Variants in TTK observed in about 807,000 individuals in gnomAD.
TTK encodes the protein TTK protein kinase.
A neutral mutation model predicts 117.3 loss-of-function variants in TTK; 59 were observed. The ratio of observed to expected loss-of-function variants is 0.50; its 90% CI spans 0.41 to 0.62. The LOEUF is 0.62. Among genes scored for constraint, TTK ranks in the 20% least tolerant of loss-of-function variants. The pLI is 0.00. For synonymous variants in TTK, 302 were observed against 325.0 expected (o/e 0.93, Z 0.76); for missense variants, 921 against 989.4 (o/e 0.93, Z 0.93).
chr6:80,029,548 A>G (rs1767700200), intron 13 of TTK, among the ~76,000 whole-genome samples: 1 of 152,232 alleles, frequency 6.6e-6, no homozygotes, highest in South Asian at 2.1e-4. Context: ...AAGACGAGTC[A>G]CAGATGACAA....
intron 4 of TTK, 150 bp from the exon 5 acceptor site, chr6:80,010,664 T>A: frequency 1.3e-6 from 1 of 750,074 alleles, no homozygotes; most frequent in Admixed American, 3.1e-5. Flanking sequence ...CTTACTTGCC[T>A]ATGAAATAAA....
intron 8 of TTK, among the ~76,000 whole-genome samples, chr6:80,012,698 A>G (rs1767193169): frequency 6.6e-6 from 1 of 152,062 alleles, no homozygotes; most frequent in Non-Finnish European, 1.5e-5. Flanking sequence ...TTTCTATTAT[A>G]TTTAGACTTG....
intron 11 of TTK, among the ~76,000 whole-genome samples, chr6:80,024,659 T>G (rs1002559030): frequency 6.6e-6 from 1 of 152,138 alleles, no homozygotes; most frequent in African/African-American, 2.4e-5. Flanking sequence ...GACGAAAATA[T>G]TCTAAAATTG....
At chr6:80,006,099 C>T in intron 2 of TTK, 117 bp downstream of exon 2, 1 of 1,360,446 alleles carries the variant, frequency 7.4e-7, no homozygotes, top group Non-Finnish European at 1.0e-6. Context: ...CTTTCTCCTC[C>T]ATTAGAATGC....
chr6:80,025,377 T>C (rs1392737402), intron 11 of TTK, among the ~76,000 whole-genome samples: 3 of 152,180 alleles, frequency 2.0e-5, no homozygotes, highest in Non-Finnish European at 4.4e-5. Context: ...ATTTAGTCAT[T>C]GTAATTCTCA....
In TTK at chr6:80,031,447, T is replaced by A; in HGVS notation, c.1522-20T>A. 1 of 1,421,248 alleles carries A rather than the reference T, an allele frequency of 7.0e-7. No individual in the cohort carries two copies. The highest frequency in any genetic ancestry group is 9.3e-7 in the Non-Finnish European group (1 of 1,073,586). 88.0% of individuals were successfully genotyped at this position (1,421,248 alleles called of 1,614,324 possible). On this transcript the variant is annotated intron_variant, in intron 13 of 21. Transcript: ENST00000369798. ...TTAGGTATATTGATTAACTTTTATT[T>A]ATATATTTTACTTATTTAGGTTTTA...
chr6:80,031,430 A>G, intron 13 of TTK, 37 bp from the exon 14 acceptor site: 1 of 1,302,034 alleles, frequency 7.7e-7, no homozygotes, highest in South Asian at 1.8e-5. Flanking sequence ...TCTTAGGTAT[A>G]TTGATTAACT....
intron 10 of TTK, among the ~76,000 whole-genome samples, chr6:80,020,204 T>C (rs2127674543): frequency 6.6e-6 from 1 of 152,322 alleles, no homozygotes; most frequent in East Asian, 1.9e-4. Context: ...TGGAACCTGT[T>C]CACATGGCTA....
chr6:80,042,447 C>T lies in TTK; in HGVS notation c.*245C>T. The T allele has an allele frequency of 3.8e-6, 1 of 265,652 alleles. No homozygotes were observed. Among genetic ancestry groups the T allele is most frequent in the South Asian group, 1.7e-4 (1 of 5,966 alleles). 16.5% of individuals were successfully genotyped at this position (265,652 alleles called of 1,614,324 possible). On this transcript the variant is annotated 3_prime_UTR_variant, in exon 22 of 22. Coordinates refer to ENST00000369798, the MANE Select transcript of TTK (RefSeq NM_003318.5). ...GTAATCTACTTGACATCATTTTACT[C>T]TTGGAATAGTGGGTGGATAGCAAGT...
intron 13 of TTK, among the ~76,000 whole-genome samples, chr6:80,029,800 G>C (rs1767706360): frequency 6.6e-6 from 1 of 152,220 alleles, no homozygotes; most frequent in South Asian, 2.1e-4. Flanking sequence ...GGGGGATGCG[G>C]GAAGTCCTGT....
In TTK at chr6:80,036,490, A is replaced by T. The variant is rs1767909311; in HGVS notation, c.1940A>T (p.Asp647Val). The change falls in exon 17 of 22, where the codon GAT (aspartate) becomes GTT (valine). Residue 647 changes from aspartate (D) to valine (V), a missense_variant. Coordinates refer to ENST00000369798, the MANE Select transcript of TTK (RefSeq NM_003318.5). ...TIHQHGIVHS[D>V]LKPANFLIVD... The stretch of plus-strand genomic sequence containing the variant: ...TATTTTAAAGGCATTGTTCACAGTG[A>T]TCTTAAACCAGCTAACTTTCTGATA... 1 of 1,608,598 alleles carries T rather than the reference A, an allele frequency of 6.2e-7. No individual in the cohort carries two copies. The highest frequency in any genetic ancestry group is 1.1e-5 in the South Asian group (1 of 89,848).
intron 11 of TTK, 67 bp downstream of exon 11, chr6:80,022,539 A>T: frequency 6.7e-7 from 1 of 1,489,614 alleles, no homozygotes. Flanking sequence ...GTTGATGATC[A>T]TATTAAATGT....
At position 80,008,366 on chromosome 6, in the gene TTK, A is replaced by T; in HGVS notation, c.363-20A>T. On this transcript the variant is annotated intron_variant, in intron 3 of 21. Coordinates refer to ENST00000369798, the MANE Select transcript of TTK (RefSeq NM_003318.5). ...GCTATGTTCTTTTTCTTAAATTTTG[A>T]CTCAAATCTTTTATTACAGTATTCA... 1 of 1,593,768 alleles carries T rather than the reference A, an allele frequency of 6.3e-7. No individual in the cohort carries two copies. Among genetic ancestry groups the T allele is most frequent in the Non-Finnish European group, 8.5e-7 (1 of 1,172,284 alleles).
Position 80,036,479 on chromosome 6 carries a change from T to A in TTK, c.1929T>A (p.Ile643=). Reference sequence around the variant, plus strand: ...CAGTGGATTTTTATTTTAAAGGCATTGTTCACAGTGATCTTAAACCAGCTA... The same window carrying A: ...CAGTGGATTTTTATTTTAAAGGCATAGTTCACAGTGATCTTAAACCAGCTA... ...EAVHTIHQHG[I]VHSDLKPANF... is the part of the protein sequence containing the mutation. The change falls in exon 17 of 22, where the codon ATT becomes ATA. Residue 643 remains isoleucine, a synonymous_variant. Transcript: ENST00000369798. The A allele has an allele frequency of 6.3e-7, 1 of 1,599,382 alleles. No individual in the cohort carries two copies. The highest frequency in any genetic ancestry group is 8.5e-7 in the Non-Finnish European group (1 of 1,174,554).
chr6:80,019,409 A>G (rs1767400124), intron 10 of TTK, among the ~76,000 whole-genome samples: 1 of 152,202 alleles, frequency 6.6e-6, no homozygotes, highest in South Asian at 2.1e-4. Flanking sequence ...GCTTTCCCAT[A>G]AGATAATTTT....
intron 14 of TTK, among the ~76,000 whole-genome samples, chr6:80,034,194 G>C (rs532527781): frequency 1.3e-5 from 2 of 152,262 alleles, no homozygotes; most frequent in East Asian, 3.9e-4. Flanking sequence ...CTGTTTCAGA[G>C]TTTAGGCAGT....
At chr6:80,038,550 T>C (rs1184420270) in intron 18 of TTK, among the ~76,000 whole-genome samples, 2 of 152,182 alleles carry the variant, frequency 1.3e-5, no homozygotes, top group Non-Finnish European at 2.9e-5. Context: ...ATTGTGCCTA[T>C]AGACAGTGCC....
chr6:80,026,786 C>G (rs368606780), intron 12 of TTK, among the ~76,000 whole-genome samples: 2 of 152,170 alleles, frequency 1.3e-5, no homozygotes, highest in East Asian at 3.9e-4. Flanking sequence ...GGATGTAAAA[C>G]GTCTTGATAA....
chr6:80,029,963 G>A (rs1169457312), intron 13 of TTK, among the ~76,000 whole-genome samples: 1 of 152,100 alleles, frequency 6.6e-6, no homozygotes, highest in African/African-American at 2.4e-5. Context: ...GACAGAGAAG[G>A]CACAAAAGGA....
Sources: allele counts gnomAD v4.1 joint callset (sites outside exome capture counted in the v4.1 genomes callset), GRCh38; gene constraint gnomAD v4.1.1; transcripts MANE v1.5; gene names NCBI Gene and HGNC (gene_info 2026-07-23, HGNC 2026-07-21).